The following XKR9 variants were observed in gnomAD, a reference collection of about 807,000 sequenced individuals.
The protein encoded by XKR9 is XK-related protein 9.
In XKR9, 32 loss-of-function variants were observed where a neutral mutation model predicts 32.0. The observed-to-expected ratio is 1.00, with a 90% CI of 0.76 to 1.34. XKR9 has a LOEUF of 1.34. Among genes scored for constraint, XKR9 ranks in the 40% most tolerant of loss-of-function variants. The pLI, the probability that XKR9 is intolerant of heterozygous loss-of-function variation, is 0.00. For missense variants in XKR9, 546 were observed against 429.7 expected, an observed-to-expected ratio of 1.27 and a Z score of -2.39; for synonymous variants, 168 against 143.4, an observed-to-expected ratio of 1.17 and a Z score of -1.22.
the XKR9 span, among the ~76,000 whole-genome samples, chr8:70,900,195 A>G: frequency 2.6e-5 from 4 of 151,928 alleles, no homozygotes; most frequent in Admixed American, 2.0e-4. Context: ...CTTAATAGAG[A>G]TTTTAAATAA....
chr8:70,725,732 C>A (rs1438276417), intron 4 of XKR9, among the ~76,000 whole-genome samples: 1 of 152,026 alleles, frequency 6.6e-6, no homozygotes, highest in Admixed American at 6.6e-5. Context: ...ATTGTGAAAC[C>A]CTGTCTCTAC....
chr8:70,729,766 A>G (rs753030708), intron 4 of XKR9, among the ~76,000 whole-genome samples: 8 of 152,178 alleles, frequency 5.3e-5, no homozygotes, highest in Non-Finnish European at 1.2e-4. Context: ...AGTGTCACAT[A>G]ATTTTGGAGC....
the XKR9 span, among the ~76,000 whole-genome samples, chr8:71,055,502 A>G: frequency 6.6e-6 from 1 of 152,222 alleles, no homozygotes; most frequent in African/African-American, 2.4e-5. Context: ...GCTTCTAGGC[A>G]TCAAGAGATT....
chr8:70,702,515 G>T (rs569868424), intron 3 of XKR9, among the ~76,000 whole-genome samples: 71 of 152,192 alleles, frequency 4.7e-4, no homozygotes, highest in African/African-American at 1.6e-3. Context: ...CAATTACTGA[G>T]AGGTGATAAA....
the XKR9 span, among the ~76,000 whole-genome samples, chr8:71,041,109 T>A: frequency 6.6e-6 from 1 of 152,142 alleles, no homozygotes; most frequent in Non-Finnish European, 1.5e-5. Context: ...TCAATGACAA[T>A]GTCATAGTCT....
chr8:70,808,598 T>G, the XKR9 span, among the ~76,000 whole-genome samples: 1 of 152,220 alleles, frequency 6.6e-6, no homozygotes, highest in Non-Finnish European at 1.5e-5. Context: ...ACTTCCACCC[T>G]AATACTGTGC....
At chr8:70,988,471 ATT>A in the XKR9 span, among the ~76,000 whole-genome samples, 334 of 152,264 alleles carry the variant, frequency 2.2e-3, 1 homozygote, top group African/African-American at 7.7e-3. Context: ...TGCTGGAGTT[ATT>A]GTAGCCTGTT....
Position 70,707,085 on chromosome 8 carries a change from A to G in XKR9, c.425A>G (p.Glu142Gly), listed in dbSNP as rs1296284272. The G allele has an allele frequency of 1.2e-6, 2 of 1,613,322 alleles. No individual in the cohort carries two copies. The highest frequency in any genetic ancestry group is 2.7e-5 in the African/African-American group (2 of 74,896). Residue 142 changes from glutamate to glycine, a missense_variant, in exon 4 of 5, where the codon GAA (glutamate) becomes GGA (glycine). By Grantham distance (98) the Glu-to-Gly change is moderately conservative. Coordinates refer to ENST00000408926, the MANE Select transcript of XKR9 (RefSeq NM_001011720.2). ...SMLRLFETYL[E>G]GCPQLILQLY... ...CTCAGACTATTTGAGACCTACCTGG[A>G]AGGCTGCCCACAACTTATTCTTCAA...
chr8:70,873,016 C>T, the XKR9 span, among the ~76,000 whole-genome samples: 1 of 152,070 alleles, frequency 6.6e-6, no homozygotes, highest in Non-Finnish European at 1.5e-5. Context: ...AATCTTATGG[C>T]CCATAAGATT....
intron 2 of XKR9, among the ~76,000 whole-genome samples, chr8:70,753,486 C>T (rs1212176635): frequency 6.6e-6 from 1 of 152,188 alleles, no homozygotes; most frequent in Non-Finnish European, 1.5e-5. Flanking sequence ...AGACCAATAT[C>T]CTTGATGAAC....
the XKR9 span, among the ~76,000 whole-genome samples, chr8:71,065,024 T>A: frequency 2.0e-5 from 3 of 152,224 alleles, no homozygotes; most frequent in Non-Finnish European, 4.4e-5. Flanking sequence ...AAACCTCAGT[T>A]GTTCAATTTG....
chr8:71,003,220 A>G, the XKR9 span, among the ~76,000 whole-genome samples: 1 of 152,212 alleles, frequency 6.6e-6, no homozygotes, highest in Non-Finnish European at 1.5e-5. Flanking sequence ...CTGACTTCAG[A>G]AAGTCATTGG....
chr8:70,730,361 A>C (rs927171636), intron 4 of XKR9, among the ~76,000 whole-genome samples: 1 of 152,286 alleles, frequency 6.6e-6, no homozygotes, highest in South Asian at 2.1e-4. Context: ...TATTTTTATA[A>C]ACCTTTTTAG....
At chr8:70,695,886 G>T (rs912105717) in intron 3 of XKR9, among the ~76,000 whole-genome samples, 1 of 150,920 alleles carries the variant, frequency 6.6e-6, no homozygotes, top group African/African-American at 2.4e-5. Flanking sequence ...GGTGTGAGAT[G>T]GTATCTCATT....
chr8:70,706,633 A>G (rs781552300), intron 3 of XKR9, among the ~76,000 whole-genome samples: 10 of 152,110 alleles, frequency 6.6e-5, no homozygotes, highest in Non-Finnish European at 1.5e-4. Flanking sequence ...TAGTTTTTCC[A>G]TCTGTGAAAT....
the XKR9 span, among the ~76,000 whole-genome samples, chr8:70,862,172 C>A: frequency 6.6e-6 from 1 of 151,874 alleles, no homozygotes; most frequent in Non-Finnish European, 1.5e-5. Context: ...CCCTGGAGAA[C>A]AAAGTCAACT....
chr8:70,877,149 T>C, the XKR9 span, among the ~76,000 whole-genome samples: 2 of 152,118 alleles, frequency 1.3e-5, no homozygotes, highest in Non-Finnish European at 2.9e-5. Context: ...AGAGTGGATC[T>C]GAAGGTTTTC....
the XKR9 span, among the ~76,000 whole-genome samples, chr8:71,022,864 T>C: frequency 6.6e-6 from 1 of 152,272 alleles, no homozygotes; most frequent in East Asian, 1.9e-4. Flanking sequence ...TCTTTCTTCT[T>C]GAGCTAGTCT....
At chr8:70,888,631 A>T in the XKR9 span, among the ~76,000 whole-genome samples, 1 of 152,054 alleles carries the variant, frequency 6.6e-6, no homozygotes, top group Non-Finnish European at 1.5e-5. Flanking sequence ...ATTTTTATAT[A>T]TCGTGAGAGA....
Sources: gnomAD v4.1 joint callset for allele counts (sites outside exome capture counted in the v4.1 genomes callset) on GRCh38, gnomAD v4.1.1 for gene constraint, MANE v1.5 for transcripts, NCBI Gene and HGNC (gene_info 2026-07-23, HGNC 2026-07-21) for gene names.